Variants in BUD13 observed in about 807,000 individuals in gnomAD.
BUD13 encodes the protein BUD13 spliceosome associated protein.
Under a neutral mutation model 62.5 loss-of-function variants are expected in BUD13, and 47 were observed. The ratio of observed to expected loss-of-function variants is 0.75; its 90% CI spans 0.60 to 0.96. The LOEUF (loss-of-function observed/expected upper bound fraction) is 0.96, where lower values mean the gene tolerates loss of function less well. Ranked by LOEUF, BUD13 falls within the 40% of genes least tolerant of loss-of-function variation. BUD13 has a pLI of 0.00. For missense variants in BUD13, 821 were observed against 790.9 expected, an observed-to-expected ratio of 1.04 and a Z score of -0.46; for synonymous variants, 293 against 280.1, an observed-to-expected ratio of 1.05 and a Z score of -0.46.
rs763909529 is a variant in BUD13, at chr11:116,770,114, C to T, written c.237+15G>A. 6.3e-7 allele frequency: 1 copy of T among 1,593,292 alleles called. No homozygotes were observed. The highest frequency in any genetic ancestry group is 1.8e-5 in the Admixed American group (1 of 56,206). ...TGCTTCATTTCAAAATCCTGACAGC[C>T]CCAAAGATACATACCACAGGCAAAT... On this transcript the variant is annotated intron_variant, in intron 2 of 9. Coordinates refer to ENST00000260210, the MANE Select transcript of BUD13 (RefSeq NM_032725.4).
In BUD13 at chr11:116,748,316, A is replaced by G. The variant is rs147624821; in HGVS notation, c.*166T>C. 2.0e-3 allele frequency: 1,223 copies of G among 606,784 alleles called. 11 individuals are homozygous for G. The African/African-American group carries it at 0.02, about 10-fold the overall frequency. The allele number at this position is 606,784 out of a possible 1,614,324, so 37.6% of individuals were successfully genotyped here. A position where few individuals can be genotyped will look rare whatever the true frequency, so the allele number is the denominator to read the frequency against. The stretch of plus-strand genomic sequence containing the variant: ...CACACCCAAGAAGTACAGGTACCTC[A>G]GTCCAAACATCAGGTCTCGAATATT... On this transcript the variant is annotated 3_prime_UTR_variant, in exon 10 of 10. Coordinates refer to ENST00000260210, the MANE Select transcript of BUD13 (RefSeq NM_032725.4).
At chr11:116,760,364 A>T (rs1344507158) in intron 5 of BUD13, among the ~76,000 whole-genome samples, 1 of 152,268 alleles carries the variant, frequency 6.6e-6, no homozygotes, top group African/African-American at 2.4e-5. Context: ...AGTAAGTGGC[A>T]GAAGGAGAAT....
intron 7 of BUD13, 146 bp downstream of exon 7, chr11:116,758,123 T>C: frequency 7.1e-7 from 1 of 1,409,670 alleles, no homozygotes. Flanking sequence ...TATATCAATA[T>C]CCTAGGAAGA....
At chr11:116,763,713 T>G (rs1016629615) in intron 3 of BUD13, among the ~76,000 whole-genome samples, 8 of 152,222 alleles carry the variant, frequency 5.3e-5, no homozygotes, top group African/African-American at 1.7e-4. Flanking sequence ...TCCCAGCTAG[T>G]GGCTCCTACT....
intron 9 of BUD13, among the ~76,000 whole-genome samples, chr11:116,753,936 T>G (rs1273920604): frequency 6.6e-6 from 1 of 152,248 alleles, no homozygotes; most frequent in Non-Finnish European, 1.5e-5. Flanking sequence ...CTGACTTTTA[T>G]AAAACACTAC....
At chr11:116,757,446 C>T (rs965329008) in intron 8 of BUD13, among the ~76,000 whole-genome samples, 1 of 151,258 alleles carries the variant, frequency 6.6e-6, no homozygotes, top group East Asian at 2.0e-4. Flanking sequence ...CAGGCGTGCA[C>T]CACCATGACC....
chr11:116,749,133 C>A (rs80165678), intron 9 of BUD13, among the ~76,000 whole-genome samples: 2 of 151,936 alleles, frequency 1.3e-5, no homozygotes, highest in Non-Finnish European at 2.9e-5. Context: ...CTATTTCAAA[C>A]GTTTGCCACT....
At chr11:116,760,661 T>C (rs1940412153) in intron 5 of BUD13, 74 bp downstream of exon 5, 1 of 1,477,546 alleles carries the variant, frequency 6.8e-7, no homozygotes, top group Non-Finnish European at 9.4e-7. Flanking sequence ...CTTGGCTTGA[T>C]TCTCTGGGAC....
chr11:116,770,108 G>A, intron 2 of BUD13, 21 bp downstream of exon 2: 1 of 1,496,460 alleles, frequency 6.7e-7, no homozygotes, highest in African/African-American at 1.4e-5. Context: ...TCAAAATCCT[G>A]ACAGCCCCAA....
intron 2 of BUD13, among the ~76,000 whole-genome samples, chr11:116,767,590 C>CAAAAAAAAAAAAAAAAAAAAAAA: frequency 1.2e-5 from 1 of 80,706 alleles, no homozygotes; most frequent in African/African-American, 4.7e-5. Context: ...GAGACTCCAC[C>CAAAAAAAAAAAAAAAAAAAAAAA]AAAAAAAAAA....
At chr11:116,756,885 A>C (rs1026849014) in intron 9 of BUD13, among the ~76,000 whole-genome samples, 9 of 152,222 alleles carry the variant, frequency 5.9e-5, no homozygotes, top group South Asian at 2.1e-4. Context: ...AAAGTAACCA[A>C]TGTCCAAAAC....
At chr11:116,767,187 CA>C (rs11341725) in intron 2 of BUD13, among the ~76,000 whole-genome samples, 16,496 of 130,502 alleles carry the variant, frequency 0.13, 1,235 homozygotes, top group African/African-American at 0.23. Flanking sequence ...GAATATGTCT[CA>C]AAAAAAAAAA....
chr11:116,772,630 G>A (rs975616410), intron 1 of BUD13, among the ~76,000 whole-genome samples, 192 bp downstream of exon 1: 1 of 152,216 alleles, frequency 6.6e-6, no homozygotes, highest in Admixed American at 6.5e-5. Context: ...TCAGAGGCTC[G>A]AGATGTAAGC....
intron 5 of BUD13, among the ~76,000 whole-genome samples, chr11:116,760,253 T>G (rs1393898242): frequency 6.6e-6 from 1 of 152,232 alleles, no homozygotes; most frequent in African/African-American, 2.4e-5. Context: ...GGCTTAATTA[T>G]CATAACAACC....
chr11:116,766,565 G>A (rs1482027910), intron 2 of BUD13, among the ~76,000 whole-genome samples: 1 of 152,166 alleles, frequency 6.6e-6, no homozygotes, highest in Non-Finnish European at 1.5e-5. Context: ...TGTAACCTTT[G>A]GTAAATTATT....
chr11:116,769,789 C>T (rs532107718), intron 2 of BUD13, among the ~76,000 whole-genome samples: 11 of 152,242 alleles, frequency 7.2e-5, no homozygotes, highest in East Asian at 5.8e-4. Context: ...CAATGGCTCA[C>T]GCCTGTAATC....
intron 9 of BUD13, among the ~76,000 whole-genome samples, chr11:116,749,141 A>ACT (rs141020780): frequency 0.014 from 2,158 of 152,202 alleles, 45 homozygotes; most frequent in African/African-American, 0.048. Context: ...AACGTTTGCC[A>ACT]CTCTAAAAGC....
intron 9 of BUD13, among the ~76,000 whole-genome samples, chr11:116,753,498 C>T (rs1410796297): frequency 5.9e-5 from 9 of 152,202 alleles, no homozygotes; most frequent in African/African-American, 2.2e-4. Context: ...AGAATAAAAA[C>T]TAACACACTT....
Position 116,772,826 on chromosome 11 carries a change from T to G in BUD13, c.139A>C (p.Lys47Gln). 2 of 1,576,336 alleles carry G rather than the reference T, an allele frequency of 1.3e-6. No individual in the cohort carries two copies. The highest frequency in any genetic ancestry group is 1.7e-6 in the Non-Finnish European group (2 of 1,165,032). The change falls in exon 1 of 10, where the codon AAG becomes CAG. Residue 47 changes from lysine (K) to glutamine (Q), a missense_variant. Coordinates refer to ENST00000260210, the MANE Select transcript of BUD13 (RefSeq NM_032725.4). ...KRPKPGGAGG[K>Q]GMRIVDDDVS... is the part of the protein sequence containing the mutation. Reference sequence around the variant, plus strand: ...CCCCGGCCGGTACCAACTCACCCCTTGCCGCCGGCCCCGCCAGGCTTCGGC... The same window carrying G: ...CCCCGGCCGGTACCAACTCACCCCTGGCCGCCGGCCCCGCCAGGCTTCGGC...
Sources: allele counts gnomAD v4.1 joint callset (sites outside exome capture counted in the v4.1 genomes callset), GRCh38; gene constraint gnomAD v4.1.1; transcripts MANE v1.5; gene names NCBI Gene and HGNC (gene_info 2026-07-23, HGNC 2026-07-21).